Variants in UTS2 observed in about 807,000 individuals in gnomAD.
UTS2 encodes urotensin 2, also known as urotensin-2.
UTS2 carries 10 observed loss-of-function variants against 12.6 expected under a neutral mutation model. The observed-to-expected ratio is 0.80, with a 90% CI of 0.49 to 1.35. The LOEUF (loss-of-function observed/expected upper bound fraction) is 1.35, where lower values mean the gene tolerates loss of function less well. UTS2 is among the 40% of genes most tolerant of loss of function. The pLI is 0.00. For missense variants in UTS2, 142 were observed against 143.2 expected, an observed-to-expected ratio of 0.99 and a Z score of 0.04; for synonymous variants, 52 against 50.0, an observed-to-expected ratio of 1.04 and a Z score of -0.17.
the UTS2 span, among the ~76,000 whole-genome samples, chr1:7,899,308 C>G: frequency 1.3e-5 from 2 of 152,166 alleles, no homozygotes; most frequent in East Asian, 1.9e-4. Flanking sequence ...AGAAAGAAAA[C>G]AGAGGCCTGA....
chr1:7,868,196 G>A, the UTS2 span, among the ~76,000 whole-genome samples: 1 of 152,186 alleles, frequency 6.6e-6, no homozygotes, highest in Non-Finnish European at 1.5e-5. Context: ...GTGTCTTGCA[G>A]GGTTAGCCTT....
At chr1:7,900,691 G>A in the UTS2 span, among the ~76,000 whole-genome samples, 18,404 of 152,016 alleles carry the variant, frequency 0.12, 2,470 homozygotes, top group East Asian at 0.56. Flanking sequence ...TGAGGCAGAA[G>A]AATTGCTTGA....
At chr1:7,895,406 C>A in the UTS2 span, among the ~76,000 whole-genome samples, 1 of 151,944 alleles carries the variant, frequency 6.6e-6, no homozygotes, top group Admixed American at 6.6e-5. Context: ...TAGGCCTAAA[C>A]TGAAAATGTC....
At chr1:7,909,103 C>G in the UTS2 span, among the ~76,000 whole-genome samples, 1 of 152,054 alleles carries the variant, frequency 6.6e-6, no homozygotes, top group Non-Finnish European at 1.5e-5. Flanking sequence ...AAAGGCTTAT[C>G]TTACATTGCG....
chr1:7,881,153 G>C, the UTS2 span, among the ~76,000 whole-genome samples: 1 of 152,010 alleles, frequency 6.6e-6, no homozygotes, highest in Admixed American at 6.6e-5. Flanking sequence ...CATAATAAAG[G>C]CCACGTATAA....
intron 1 of UTS2, 25 bp from the exon 2 acceptor site, chr1:7,850,947 G>T: frequency 6.2e-7 from 1 of 1,610,266 alleles, no homozygotes; most frequent in Non-Finnish European, 8.5e-7. Context: ...CAGATACTTA[G>T]AATTGGGTTC....
At chr1:7,883,715 C>G in the UTS2 span, among the ~76,000 whole-genome samples, 1 of 152,098 alleles carries the variant, frequency 6.6e-6, no homozygotes, top group African/African-American at 2.4e-5. Flanking sequence ...CACAACTACC[C>G]CAAACTTTAG....
At chr1:7,906,841 A>G in the UTS2 span, among the ~76,000 whole-genome samples, 1 of 152,200 alleles carries the variant, frequency 6.6e-6, no homozygotes, top group East Asian at 1.9e-4. Context: ...AAGAGTCTCT[A>G]GTGAAGCTGT....
chr1:7,901,986 G>A, the UTS2 span, among the ~76,000 whole-genome samples: 2 of 152,212 alleles, frequency 1.3e-5, no homozygotes, highest in African/African-American at 4.8e-5. Flanking sequence ...GGGAGTGGGT[G>A]CGAGGGAGAG....
chr1:7,878,836 G>A, the UTS2 span, among the ~76,000 whole-genome samples: 3 of 152,122 alleles, frequency 2.0e-5, no homozygotes, highest in South Asian at 2.1e-4. Flanking sequence ...CATATTCCCT[G>A]CAAATGGAAA....
chr1:7,849,970 A>ATTTT (rs35419840), intron 2 of UTS2, among the ~76,000 whole-genome samples: 2 of 140,574 alleles, frequency 1.4e-5, no homozygotes, highest in Non-Finnish European at 1.5e-5. Context: ...AAAGGCTCAA[A>ATTTT]TTTTTTTTTT....
chr1:7,868,762 A>G, the UTS2 span, among the ~76,000 whole-genome samples: 1 of 152,206 alleles, frequency 6.6e-6, no homozygotes. Flanking sequence ...TATATCCTCC[A>G]AAATTCATAC....
chr1:7,901,730 G>A, the UTS2 span, among the ~76,000 whole-genome samples: 1 of 152,004 alleles, frequency 6.6e-6, no homozygotes, highest in Non-Finnish European at 1.5e-5. Context: ...TTCGTGTGAG[G>A]AAATGGACTT....
At chr1:7,872,239 G>A in the UTS2 span, among the ~76,000 whole-genome samples, 1 of 131,742 alleles carries the variant, frequency 7.6e-6, no homozygotes, top group East Asian at 2.3e-4. Flanking sequence ...GGCGGAGGTT[G>A]CAGTGAGCCA....
the UTS2 span, among the ~76,000 whole-genome samples, chr1:7,862,985 G>GTTGTATTGTA: frequency 8.1e-5 from 6 of 73,814 alleles, 1 homozygote; most frequent in East Asian, 2.7e-3. Flanking sequence ...TATTTATTGT[G>GTTGTATTGTA]TTGTGTTGTA....
chr1:7,902,186 G>A, the UTS2 span, among the ~76,000 whole-genome samples: 1 of 21,976 alleles, frequency 4.6e-5, no homozygotes, highest in African/African-American at 2.2e-4. Flanking sequence ...TTGGGCTCCA[G>A]GCTATCTCTG....
the UTS2 span, among the ~76,000 whole-genome samples, chr1:7,863,025 ATTGT>A: frequency 4.3e-4 from 11 of 25,534 alleles, no homozygotes; most frequent in East Asian, 2.0e-3. Context: ...ATTGTATTGT[ATTGT>A]ATTGTATTGT....
chr1:7,911,171 G>A, the UTS2 span, among the ~76,000 whole-genome samples: 3 of 152,048 alleles, frequency 2.0e-5, no homozygotes, highest in Non-Finnish European at 4.4e-5. Context: ...TACACAGTTT[G>A]CTTCGATTGC....
chr1:7,873,841 G>A, the UTS2 span, among the ~76,000 whole-genome samples: 4 of 152,204 alleles, frequency 2.6e-5, no homozygotes, highest in South Asian at 2.1e-4. Flanking sequence ...GTGAGTAAAA[G>A]GTTATCAAAT....
Sources: allele counts gnomAD v4.1 joint callset (sites outside exome capture counted in the v4.1 genomes callset), GRCh38; gene constraint gnomAD v4.1.1; transcripts MANE v1.5; gene names NCBI Gene and HGNC (gene_info 2026-07-23, HGNC 2026-07-21).